The following C6orf120 variants were observed in gnomAD, a reference collection of about 807,000 sequenced individuals.
C6orf120 encodes the protein UPF0669 protein C6orf120.
For synonymous variants in C6orf120, 165 were observed against 123.1 expected (o/e 1.34, Z -2.25); for missense variants, 311 against 264.2 (o/e 1.18, Z -1.23).
chr6:169,702,821 A>G, exon 1 of C6orf120: 1 of 1,612,416 alleles, frequency 6.2e-7, no homozygotes, highest in Non-Finnish European at 8.5e-7. Flanking sequence ...GTCTATGGAC[A>G]CCCCTCCCAC....
chr6:169,702,348 G>C, exon 1 of C6orf120: 1 of 677,606 alleles, frequency 1.5e-6, no homozygotes. Context: ...CAGGCGCCTG[G>C]ACGCGCCGTG....
At chr6:169,702,220 G>GCACTGCCCCTGC (rs1554405428) in exon 1 of C6orf120, 2 of 687,120 alleles carry the variant, frequency 2.9e-6, no homozygotes, top group Non-Finnish European at 5.3e-6. Context: ...TGCCACAGCG[G>GCACTGCCCCTGC]CCCTGCCCCT....
At chr6:169,702,846 C>A in exon 1 of C6orf120, 6 of 1,612,076 alleles carry the variant, frequency 3.7e-6, no homozygotes, top group Non-Finnish European at 5.1e-6. Flanking sequence ...AGAGCGAGTT[C>A]GAGATGAAGG....
At chr6:169,702,364 G>A (rs1207900791) in exon 1 of C6orf120, 5 of 751,090 alleles carry the variant, frequency 6.7e-6, no homozygotes, top group Non-Finnish European at 1.1e-5. Flanking sequence ...CCGTGGACCC[G>A]CGTGCGGACG....
At chr6:169,703,992 C>T in exon 1 of C6orf120, 1 of 1,591,630 alleles carries the variant, frequency 6.3e-7, no homozygotes, top group Non-Finnish European at 8.6e-7. Flanking sequence ...GTATTAGAGT[C>T]AAAAACTATT....
At chr6:169,702,676 A>C (rs765729284) in exon 1 of C6orf120, 6 of 1,613,372 alleles carry the variant, frequency 3.7e-6, no homozygotes, top group Non-Finnish European at 5.1e-6. Flanking sequence ...GCGCAGCCTC[A>C]AGGGAGATGC....
chr6:169,703,115 CTTGG>C (rs372062156), exon 1 of C6orf120: 971 of 1,420,814 alleles, frequency 6.8e-4, no homozygotes, highest in East Asian at 3.3e-3. Context: ...GCTACTTGTA[CTTGG>C]TTGAAGTTCT....
At chr6:169,702,309 G>T in exon 1 of C6orf120, 1 of 660,862 alleles carries the variant, frequency 1.5e-6, no homozygotes, top group Non-Finnish European at 2.7e-6. Context: ...GCCTCACGCG[G>T]GTGGGAAGGG....
At chr6:169,702,771 G>A in exon 1 of C6orf120, 1 of 1,613,238 alleles carries the variant, frequency 6.2e-7, no homozygotes, top group African/African-American at 1.3e-5. Context: ...CGGACGCCGT[G>A]TCCATCCCCG....
chr6:169,703,104 T>C (rs1788516764), exon 1 of C6orf120: 1 of 1,449,452 alleles, frequency 6.9e-7, no homozygotes, highest in Non-Finnish European at 9.3e-7. Flanking sequence ...CTGTGAACCT[T>C]GCTACTTGTA....
At chr6:169,703,489 G>C (rs1444097968) in exon 1 of C6orf120, 1 of 212,680 alleles carries the variant, frequency 4.7e-6, no homozygotes, top group African/African-American at 2.4e-5. Flanking sequence ...AAAGCCTCAT[G>C]CCTGTACCCC....
exon 1 of C6orf120, chr6:169,702,544 T>C: frequency 6.2e-7 from 1 of 1,612,284 alleles, no homozygotes; most frequent in South Asian, 1.1e-5. Context: ...TCCGGGAAGC[T>C]GCGCGGACGA....
chr6:169,704,758 AT>A (rs1032395442), exon 1 of C6orf120: 1 of 177,788 alleles, frequency 5.6e-6, no homozygotes, highest in African/African-American at 2.4e-5. Context: ...TGCTGCCTCA[AT>A]TTACAGAAAT....
At chr6:169,702,521 C>G in exon 1 of C6orf120, 4 of 1,609,668 alleles carry the variant, frequency 2.5e-6, no homozygotes, top group Non-Finnish European at 3.4e-6. Context: ...CTCCTAGCCT[C>G]GCAGGTCCTG....
At chr6:169,702,631 C>T (rs1333280027) in exon 1 of C6orf120, 1 of 1,613,238 alleles carries the variant, frequency 6.2e-7, no homozygotes, top group South Asian at 1.1e-5. Context: ...CAGCTACCTG[C>T]GGCTGAACCA....
chr6:169,705,175 C>T (rs751115971), downstream of C6orf120: 2 of 1,612,216 alleles, frequency 1.2e-6, no homozygotes, highest in South Asian at 2.2e-5. Flanking sequence ...GTATGATAAC[C>T]TCTGTCACAC....
exon 1 of C6orf120, chr6:169,702,530 T>C (rs935051263): frequency 1.9e-6 from 3 of 1,611,316 alleles, no homozygotes; most frequent in Non-Finnish European, 1.7e-6. Context: ...TCGCAGGTCC[T>C]GTCTCCGGGA....
At chr6:169,703,915 A>G (rs1282757061) in exon 1 of C6orf120, 2 of 1,124,254 alleles carry the variant, frequency 1.8e-6, no homozygotes, top group Non-Finnish European at 2.5e-6. Flanking sequence ...TTTGCAAAAA[A>G]AATCTTTTAT....
downstream of C6orf120, among the ~76,000 whole-genome samples, chr6:169,706,004 G>A (rs571227143): frequency 6.6e-6 from 1 of 152,228 alleles, no homozygotes; most frequent in Admixed American, 6.5e-5. Context: ...TTAATGAATG[G>A]AAGGAAAGAC....
Sources: allele counts gnomAD v4.1 joint callset (sites outside exome capture counted in the v4.1 genomes callset), GRCh38; gene constraint gnomAD v4.1.1; transcripts MANE v1.5; gene names NCBI Gene and HGNC (gene_info 2026-07-23, HGNC 2026-07-21).